TASP1: variants seen among roughly 807,000 people sequenced by gnomAD.
TASP1 encodes the protein threonine aspartase 1.
TASP1 carries 16 observed loss-of-function variants against 56.6 expected under a neutral mutation model. The observed-to-expected ratio is 0.28, with a 90% CI of 0.19 to 0.43. The LOEUF (loss-of-function observed/expected upper bound fraction) is 0.43. Ranked by LOEUF, TASP1 falls within the 20% of genes least tolerant of loss-of-function variation. The probability of loss-of-function intolerance (pLI) is 1.00; values close to 1 mark genes in which losing one functional copy is unlikely to be tolerated. For missense variants in TASP1, 393 were observed against 511.6 expected (o/e 0.77, Z 2.24); for synonymous variants, 179 against 184.2 (o/e 0.97, Z 0.23).
chr20:13,256,128 G>A, the TASP1 span, among the ~76,000 whole-genome samples: 1 of 152,160 alleles, frequency 6.6e-6, no homozygotes, highest in East Asian at 1.9e-4. Context: ...AGGCGTGGTG[G>A]CTCATGCCTG....
chr20:13,627,561 G>A (rs2048936730), intron 2 of TASP1, among the ~76,000 whole-genome samples: 2 of 151,960 alleles, frequency 1.3e-5, no homozygotes, highest in African/African-American at 4.8e-5. Context: ...GAGCAGCCTG[G>A]CCAACATGGT....
intron 8 of TASP1, among the ~76,000 whole-genome samples, chr20:13,546,446 A>G (rs1325548877): frequency 6.6e-6 from 1 of 152,226 alleles, no homozygotes; most frequent in Non-Finnish European, 1.5e-5. Flanking sequence ...TGCTCTTAGC[A>G]CAGCCAAAAA....
chr20:13,138,184 A>G, the TASP1 span, among the ~76,000 whole-genome samples: 1 of 152,154 alleles, frequency 6.6e-6, no homozygotes, highest in Non-Finnish European at 1.5e-5. Flanking sequence ...TGTTTTTGCC[A>G]GGAGAATACA....
At chr20:13,430,617 GA>G (rs1222589458) in intron 12 of TASP1, among the ~76,000 whole-genome samples, 2 of 152,220 alleles carry the variant, frequency 1.3e-5, no homozygotes, top group Admixed American at 6.5e-5. Flanking sequence ...CCTAGTCTCA[GA>G]AATCAGACAC....
intron 1 of TASP1, among the ~76,000 whole-genome samples, chr20:13,637,459 T>C (rs2049350076): frequency 6.6e-6 from 1 of 152,176 alleles, no homozygotes; most frequent in Non-Finnish European, 1.5e-5. Context: ...GCAGAATTAT[T>C]CAAAATAGCC....
the TASP1 span, among the ~76,000 whole-genome samples, chr20:13,202,516 A>T: frequency 6.6e-6 from 1 of 152,228 alleles, no homozygotes; most frequent in African/African-American, 2.4e-5. Flanking sequence ...ACAAGTCACT[A>T]TGTCCATCTT....
At chr20:13,284,293 AACTAAGAAAGG>A in the TASP1 span, among the ~76,000 whole-genome samples, 6 of 152,210 alleles carry the variant, frequency 3.9e-5, no homozygotes, top group African/African-American at 1.4e-4. Flanking sequence ...AGTGCCCTGA[AACTAAGAAAGG>A]ACTACTTTAA....
At position 13,483,220 on chromosome 20, in the gene TASP1, T is replaced by C. The variant is rs927096881; in HGVS notation, c.985+7A>G. On this transcript the variant is annotated splice_region_variant and intron_variant, in intron 11 of 13. Transcript: ENST00000337743. ...AGAAGATGTAATCTTCTTAATGTTA[T>C]ACTTACTGATAAACTTGTTTTGCAT... is the stretch of plus-strand genomic sequence containing the variant. 1 of 1,567,900 alleles carries C rather than the reference T, an allele frequency of 6.4e-7. No homozygotes were observed. Among genetic ancestry groups the C allele is most frequent in the Non-Finnish European group, 8.7e-7 (1 of 1,153,806 alleles).
At chr20:13,508,720 A>G (rs985553511) in intron 10 of TASP1, among the ~76,000 whole-genome samples, 1 of 152,176 alleles carries the variant, frequency 6.6e-6, no homozygotes, top group African/African-American at 2.4e-5. Context: ...CAAATAGCCA[A>G]TAGGTAGTTA....
At chr20:13,195,330 T>G in the TASP1 span, among the ~76,000 whole-genome samples, 1 of 152,212 alleles carries the variant, frequency 6.6e-6, no homozygotes, top group African/African-American at 2.4e-5. Context: ...ACCACACAAC[T>G]TCCAGTGGCA....
chr20:13,227,242 C>T, the TASP1 span, among the ~76,000 whole-genome samples: 5 of 152,176 alleles, frequency 3.3e-5, no homozygotes, highest in African/African-American at 4.8e-5. Flanking sequence ...CTCACTCTAT[C>T]TCCCAGGCTG....
the TASP1 span, among the ~76,000 whole-genome samples, chr20:13,127,541 A>G: frequency 3.3e-5 from 5 of 152,200 alleles, no homozygotes; most frequent in African/African-American, 1.2e-4. Flanking sequence ...AGTATGGGGT[A>G]CTCCATCAGT....
At chr20:13,285,607 C>G in the TASP1 span, among the ~76,000 whole-genome samples, 4 of 152,344 alleles carry the variant, frequency 2.6e-5, no homozygotes, top group East Asian at 7.7e-4. Context: ...TATACCTCAG[C>G]TGGCATCCTA....
At position 13,429,258 on chromosome 20, in the gene TASP1, G is replaced by A. The variant is rs536075925; in HGVS notation, c.1096+5786C>T. 4.6e-5 allele frequency among the ~76,000 whole-genome samples: 7 copies of A among 152,314 alleles called. No homozygotes were observed. In the South Asian group the frequency reaches 1.5e-3, roughly 32 times the overall value. On this transcript the variant is annotated intron_variant, in intron 12 of 13. Coordinates refer to ENST00000337743, the MANE Select transcript of TASP1 (RefSeq NM_017714.3). ...TTACCTGGGGTGAGGACTTCCAGAG[G>A]ATTCGAAGAAGATTCACATTTGATC... is the stretch of plus-strand genomic sequence containing the variant.
intron 11 of TASP1, among the ~76,000 whole-genome samples, chr20:13,469,688 C>A (rs78866115): frequency 0.017 from 2,573 of 149,390 alleles, 79 homozygotes; most frequent in African/African-American, 0.058. Context: ...GGTTGTTTCT[C>A]AGAATCAACA....
the TASP1 span, among the ~76,000 whole-genome samples, chr20:13,106,973 A>G: frequency 3.0e-4 from 45 of 152,356 alleles, no homozygotes; most frequent in African/African-American, 1.1e-3. Context: ...GTCACAGAAG[A>G]AGGAACTCAA....
At chr20:13,147,065 G>C in the TASP1 span, among the ~76,000 whole-genome samples, 1 of 152,194 alleles carries the variant, frequency 6.6e-6, no homozygotes, top group Non-Finnish European at 1.5e-5. Flanking sequence ...GGGAGGTGGA[G>C]GCAGGGTGTT....
chr20:13,524,980 T>C (rs762504394), intron 10 of TASP1, among the ~76,000 whole-genome samples: 1 of 152,232 alleles, frequency 6.6e-6, no homozygotes, highest in Non-Finnish European at 1.5e-5. Flanking sequence ...GGCATGACTT[T>C]GCTATCAGTG....
At chr20:13,365,708 G>A in the TASP1 span, among the ~76,000 whole-genome samples, 88 of 152,180 alleles carry the variant, frequency 5.8e-4, no homozygotes, top group Non-Finnish European at 8.4e-4. Context: ...ACAGGGCCCC[G>A]GGCCATGGAA....
Sources: gnomAD v4.1 joint callset for allele counts (sites outside exome capture counted in the v4.1 genomes callset) on GRCh38, gnomAD v4.1.1 for gene constraint, MANE v1.5 for transcripts, NCBI Gene and HGNC (gene_info 2026-07-23, HGNC 2026-07-21) for gene names.